The following LSM14B variants were observed in gnomAD, a reference collection of about 807,000 sequenced individuals.
LSM14B encodes protein LSM14 homolog B.
LSM14B carries 8 observed loss-of-function variants against 42.1 expected under a neutral mutation model. The observed-to-expected ratio is 0.19, with a 90% CI of 0.11 to 0.34. LSM14B has a LOEUF of 0.34. LSM14B is among the 10% of genes least tolerant of loss of function. The probability of loss-of-function intolerance (pLI) is 1.00; values close to 1 mark genes in which losing one functional copy is unlikely to be tolerated. For synonymous variants in LSM14B, 219 were observed against 209.7 expected (o/e 1.04, Z -0.38); for missense variants, 396 against 513.1 (o/e 0.77, Z 2.21).
At chr20:62,129,068 G>A (rs922497229) in intron 3 of LSM14B, 3 of 1,210,532 alleles carry the variant, frequency 2.5e-6, no homozygotes, top group Non-Finnish European at 3.3e-6. Context: ...CTGATTCAGA[G>A]GGCCTGGTTT....
At chr20:62,131,037 A>G (rs2056752880) in intron 6 of LSM14B, among the ~76,000 whole-genome samples, 1 of 152,186 alleles carries the variant, frequency 6.6e-6, no homozygotes, top group Non-Finnish European at 1.5e-5. Context: ...CGATAGAGCA[A>G]GACTCTGTCT....
rs780178759 is a variant in LSM14B, at chr20:62,133,370, G to A, written c.1067G>A (p.Arg356His). The A allele has an allele frequency of 1.2e-5, 20 of 1,612,972 alleles. No homozygotes were observed. Among genetic ancestry groups the A allele is most frequent in the East Asian group, 2.2e-5 (1 of 44,806 alleles). The change falls in exon 8 of 9, where the codon CGC becomes CAC. Residue 356 changes from arginine to histidine, a missense_variant. Coordinates refer to ENST00000279068, the MANE Select transcript of LSM14B (RefSeq NM_144703.3). ...FGVSGRFLRG[R>H]SSRGGFRGGR... is the part of the protein sequence containing the mutation. ...GTGTCAGGGAGGTTTCTTCGTGGCC[G>A]CAGTTCTCGGGGCGGATTCCGAGGA...
intron 2 of LSM14B, among the ~76,000 whole-genome samples, chr20:62,125,224 C>T (rs1407911502): frequency 6.6e-6 from 1 of 152,226 alleles, no homozygotes; most frequent in Non-Finnish European, 1.5e-5. Context: ...TTTGTCCAGG[C>T]TGTTGCTGCT....
Position 62,134,381 on chromosome 20 carries a change from G to A in LSM14B, c.*233G>A. 2.2e-6 allele frequency: 1 copy of A among 458,942 alleles called. No individual in the cohort carries two copies. The highest frequency in any genetic ancestry group is 7.2e-5 in the East Asian group (1 of 13,968). The allele number at this position is 458,942 out of a possible 1,614,324, so 28.4% of individuals were successfully genotyped here. ...TAACCTCTTTGAGGTCTCTTTATCT[G>A]TGTTTCCTTTTTAGTTGCGCATAGC... is the stretch of plus-strand genomic sequence containing the variant. On this transcript the variant is annotated 3_prime_UTR_variant, in exon 9 of 9. Transcript: ENST00000279068.
rs2056650932 is a variant in LSM14B, at chr20:62,127,868, CA to C, written c.427+1430del. On this transcript the variant is annotated intron_variant, in intron 3 of 8. Transcript: ENST00000279068. The stretch of plus-strand genomic sequence containing the variant: ...CATGTAGTCCTGATTGATGAACTCT[CA>C]GTGTTAAAGAAGGGATTACGAAGAA... 1.3e-5 allele frequency: 9 copies of C among 717,888 alleles called. No individual in the cohort carries two copies. In the East Asian group the frequency reaches 2.4e-4, roughly 19 times the overall value. The allele number at this position is 717,888 out of a possible 1,614,324, so 44.5% of individuals were successfully genotyped here.
chr20:62,127,456 A>G (rs2056639891), intron 3 of LSM14B: 1 of 667,510 alleles, frequency 1.5e-6, no homozygotes, highest in Non-Finnish European at 2.6e-6. Context: ...GGGTTTCTAA[A>G]ACGTGTTTGT....
rs143443690 is a variant in LSM14B at position 62,131,296 on chromosome 20, G to C, written c.836-60G>C. 1,228 of 1,531,510 alleles carry C rather than the reference G, an allele frequency of 8.0e-4. 7 individuals carry two copies. The African/African-American group carries it at 0.012, about 15-fold the overall frequency. The allele number at this position is 1,531,510 out of a possible 1,614,324, so 94.9% of individuals were successfully genotyped here. A position where few individuals can be genotyped will look rare whatever the true frequency, so the allele number is the denominator to read the frequency against. On this transcript the variant is annotated intron_variant, in intron 6 of 8. Coordinates refer to ENST00000279068, the MANE Select transcript of LSM14B (RefSeq NM_144703.3). ...CGAGTGAGCCCGGAGGGACCACCCT[G>C]CTAAAAGGCTGTGCGCTCTGCCCCT...
intron 7 of LSM14B, among the ~76,000 whole-genome samples, chr20:62,132,587 CAAGAG>C (rs2056797593): frequency 1.3e-5 from 2 of 152,172 alleles, no homozygotes; most frequent in African/African-American, 2.4e-5. Flanking sequence ...GCCAACATGA[CAAGAG>C]AAGAGTCCAG....
At chr20:62,126,141 C>A in intron 2 of LSM14B, 163 bp from the exon 3 acceptor site, 1 of 877,868 alleles carries the variant, frequency 1.1e-6, no homozygotes. Flanking sequence ...GAAAAGGCAG[C>A]TCTCACCATA....
chr20:62,123,019 A>T (rs2056451576), intron 1 of LSM14B: 1 of 252,740 alleles, frequency 4.0e-6, no homozygotes, highest in Non-Finnish European at 7.3e-6. Flanking sequence ...CCGGCCGCAC[A>T]ATGGTCTCCC....
chr20:62,126,175 T>C lies in LSM14B; in HGVS notation c.292-129T>C. 3 of 1,383,682 alleles carry C rather than the reference T, an allele frequency of 2.2e-6. No homozygotes were observed. In the South Asian group the frequency reaches 3.7e-5, roughly 17 times the overall value. The allele number at this position is 1,383,682 out of a possible 1,614,324, so 85.7% of individuals were successfully genotyped here. A position where few individuals can be genotyped will look rare whatever the true frequency, so the allele number is the denominator to read the frequency against. On this transcript the variant is annotated intron_variant, in intron 2 of 8. Coordinates refer to ENST00000279068, the MANE Select transcript of LSM14B (RefSeq NM_144703.3). ...TACTGGAAACTTGCACCCCAAGGGC[T>C]CCTCCAGCATCTCAAGGGTGCAGGC...
In LSM14B at chr20:62,129,811, G is replaced by A. The variant is rs771276905; in HGVS notation, c.454G>A (p.Gly152Ser). The change falls in exon 4 of 9, where the codon GGC becomes AGC. Residue 152 changes from glycine (G) to serine (S), a missense_variant. This residue lies in a region of LSM14B where 274 missense variants were observed against 335.8 expected (regional missense o/e 0.82). Transcript: ENST00000279068. ...AGCTGGTTTTCCATCCATCCCAGTCGGCAAGAGCCCCATGGTGGAGCAGGC... is the reference window on the plus strand; with the variant it reads ...AGCTGGTTTTCCATCCATCCCAGTCAGCAAGAGCCCCATGGTGGAGCAGGC... ...LGAGFPSIPV[G>S]KSPMVEQAVQ... 5.6e-6 allele frequency: 9 copies of A among 1,610,858 alleles called. No homozygotes were observed. The highest frequency in any genetic ancestry group is 3.3e-5 in the South Asian group (3 of 90,398).
chr20:62,131,091 C>T (rs754856529), intron 6 of LSM14B, among the ~76,000 whole-genome samples: 18 of 152,056 alleles, frequency 1.2e-4, no homozygotes, highest in Non-Finnish European at 2.1e-4. Flanking sequence ...GGATGCCAGG[C>T]GGATGGTGAC....
At chr20:62,123,986 A>G (rs1318122972) in intron 1 of LSM14B, among the ~76,000 whole-genome samples, 3 of 151,932 alleles carry the variant, frequency 2.0e-5, no homozygotes, top group East Asian at 3.9e-4. Flanking sequence ...TGTCCCACCC[A>G]CCTCTGCCCC....
chr20:62,130,743 G>A lies in LSM14B; in HGVS notation c.835+52G>A. 2 of 1,568,420 alleles carry A rather than the reference G, an allele frequency of 1.3e-6. No homozygotes were observed. Among genetic ancestry groups the A allele is most frequent in the Non-Finnish European group, 1.7e-6 (2 of 1,156,158 alleles). On this transcript the variant is annotated intron_variant, in intron 6 of 8. Transcript: ENST00000279068. The surrounding 1 kb of genome is among the most constrained non-coding windows in gnomAD (Gnocchi z 4.1). ...CTCTGCACAGGAGTACCCCTAGAGA[G>A]TGTTAGGAGGAGATGCCTGGCCGGG...
chr20:62,124,882 CTT>C (rs11480126), intron 2 of LSM14B, 102 bp downstream of exon 2: 237 of 896,258 alleles, frequency 2.6e-4, no homozygotes, highest in African/African-American at 6.9e-4. Context: ...GAGGAATAAC[CTT>C]TTTTTTTTTT....
In LSM14B at chr20:62,122,888, G is replaced by GCGCCCAGACCC. The variant is rs924588308; in HGVS notation, c.127+104_127+114dup. On this transcript the variant is annotated intron_variant, in intron 1 of 8. Coordinates refer to ENST00000279068, the MANE Select transcript of LSM14B (RefSeq NM_144703.3). The surrounding 1 kb of genome is among the most constrained non-coding windows in gnomAD (Gnocchi z 4.6). ...CCGCCCCGGGGCGCCCCGGAGCCTG[G>GCGCCCAGACCC]CGCCCAGACCCCGCCCAGAACCCAC... 29 of 1,161,840 alleles carry GCGCCCAGACCC rather than the reference G, an allele frequency of 2.5e-5. No homozygotes were observed. In the Admixed American group the frequency reaches 4.3e-4, roughly 17 times the overall value. 72.0% of individuals were successfully genotyped at this position (1,161,840 alleles called of 1,614,324 possible).
rs921945506 is a variant in LSM14B at position 62,126,292 on chromosome 20, C to T, written c.292-12C>T. 6.2e-7 allele frequency: 1 copy of T among 1,613,848 alleles called. No homozygotes were observed. The highest frequency in any genetic ancestry group is 8.5e-7 in the Non-Finnish European group (1 of 1,179,912). On this transcript the variant is annotated splice_polypyrimidine_tract_variant and intron_variant, in intron 2 of 8. Transcript: ENST00000279068. ...GGCCTTCGCCGTTCTCACCCGATGTCTCGTTGTTCAGTCTTCCCTGGGTTC... is the reference window on the plus strand; with the variant it reads ...GGCCTTCGCCGTTCTCACCCGATGTTTCGTTGTTCAGTCTTCCCTGGGTTC...
In LSM14B at chr20:62,135,346, A is replaced by C. The variant is rs1179089237; in HGVS notation, c.*1198A>C. ...CTCTGTTGGAGTAATGTAAATTGTA[A>C]TTATAAATAAACATGCAAACCTTTA... On this transcript the variant is annotated 3_prime_UTR_variant, in exon 9 of 9. Transcript: ENST00000279068. 1 of 152,206 alleles carries C rather than the reference A, an allele frequency of 6.6e-6. No individual in the cohort carries two copies. The highest frequency in any genetic ancestry group is 1.5e-5 in the Non-Finnish European group (1 of 68,042). The allele number at this position is 152,206 out of a possible 1,614,324, so 9.4% of individuals were successfully genotyped here.
Sources: allele counts gnomAD v4.1 joint callset (sites outside exome capture counted in the v4.1 genomes callset), GRCh38; gene constraint gnomAD v4.1.1; regional missense constraint gnomAD v4.1.1; non-coding constraint Gnocchi (gnomAD v3.1); transcripts MANE v1.5; gene names NCBI Gene and HGNC (gene_info 2026-07-23, HGNC 2026-07-21).